The following TANC2 variants were observed in gnomAD, a reference collection of about 807,000 sequenced individuals.
The protein encoded by TANC2 is protein TANC2.
In TANC2, 26 loss-of-function variants were observed where a neutral mutation model predicts 210.5. That is an observed-to-expected ratio of 0.12 (90% confidence interval 0.09 to 0.17). The LOEUF is 0.17. Among genes scored for constraint, TANC2 ranks in the 10% least tolerant of loss-of-function variants. The pLI is 1.00. For synonymous variants in TANC2, 931 were observed against 967.1 expected (o/e 0.96, Z 0.69); for missense variants, 2,129 against 2,608.9 (o/e 0.82, Z 4.01).
intron 1 of TANC2, among the ~76,000 whole-genome samples, chr17:62,986,304 G>A (rs2032562673): frequency 6.6e-6 from 1 of 152,146 alleles, no homozygotes; most frequent in African/African-American, 2.4e-5. Context: ...CATTACTCTG[G>A]CTGGGAGCAC....
intron 7 of TANC2, among the ~76,000 whole-genome samples, chr17:63,229,532 G>A (rs1444218358): frequency 6.8e-6 from 1 of 147,180 alleles, no homozygotes; most frequent in Non-Finnish European, 1.5e-5. Flanking sequence ...ATAGAATTCA[G>A]CTATAAATCC....
At chr17:63,346,519 A>G (rs1438867504) in intron 12 of TANC2, among the ~76,000 whole-genome samples, 1 of 152,220 alleles carries the variant, frequency 6.6e-6, no homozygotes, top group Non-Finnish European at 1.5e-5. Context: ...GTAATCAGGG[A>G]GATGCAAATT....
rs2037535536 is a variant in TANC2, at chr17:63,099,365, CTT to C, written c.322+10_322+11del. 6.7e-7 allele frequency: 1 copy of C among 1,492,112 alleles called. No individual in the cohort carries two copies. The highest frequency in any genetic ancestry group is 1.4e-5 in the African/African-American group (1 of 71,618). 92.4% of individuals were successfully genotyped at this position (1,492,112 alleles called of 1,614,324 possible). A position where few individuals can be genotyped will look rare whatever the true frequency, so the allele number is the denominator to read the frequency against. ...CTGTGAAGAAGTTAACTGGTAAGGA[CTT>C]TACCTAAATTTAGTATGTTTAACAG... is the stretch of plus-strand genomic sequence containing the variant. On this transcript the variant is annotated intron_variant, in intron 4 of 27. Transcript: ENST00000689528.
chr17:63,279,408 A>G (rs2043993095), intron 9 of TANC2, among the ~76,000 whole-genome samples: 1 of 150,230 alleles, frequency 6.7e-6, no homozygotes, highest in Non-Finnish European at 1.5e-5. Context: ...AGAGGAGTTA[A>G]GTAATTTGCA....
At chr17:63,077,544 G>A (rs781080573) in intron 3 of TANC2, among the ~76,000 whole-genome samples, 2 of 152,152 alleles carry the variant, frequency 1.3e-5, no homozygotes, top group Non-Finnish European at 2.9e-5. Context: ...AATGAGATTG[G>A]TAGAAACCTG....
chr17:63,007,003 A>G (rs577614883), intron 1 of TANC2, among the ~76,000 whole-genome samples: 18 of 152,090 alleles, frequency 1.2e-4, no homozygotes, highest in Admixed American at 5.2e-4. Flanking sequence ...AGGTGGGAGG[A>G]TTGCTTGAGC....
At chr17:63,315,977 A>G (rs1042555517) in intron 10 of TANC2, among the ~76,000 whole-genome samples, 1 of 152,208 alleles carries the variant, frequency 6.6e-6, no homozygotes, top group Non-Finnish European at 1.5e-5. Flanking sequence ...GTAGATTGCC[A>G]TAGTACTGTG....
chr17:63,355,387 C>A, exon 14 of TANC2: 1 of 1,567,962 alleles, frequency 6.4e-7, no homozygotes, highest in African/African-American at 1.4e-5. Flanking sequence ...CTCTGTGATC[C>A]GAGGTAAGAC....
intron 15 of TANC2, among the ~76,000 whole-genome samples, chr17:63,380,762 C>A (rs1295638200): frequency 6.6e-6 from 1 of 152,210 alleles, no homozygotes; most frequent in African/African-American, 2.4e-5. Context: ...AGGATAACTT[C>A]AAGAGCCTAG....
intron 1 of TANC2, among the ~76,000 whole-genome samples, chr17:62,975,870 G>A (rs2143322863): frequency 6.6e-6 from 1 of 152,112 alleles, no homozygotes; most frequent in South Asian, 2.1e-4. Flanking sequence ...ATTTTTATTA[G>A]CCTGTGGAAA....
At chr17:63,299,272 C>G (rs569628756) in intron 9 of TANC2, among the ~76,000 whole-genome samples, 6 of 152,168 alleles carry the variant, frequency 3.9e-5, no homozygotes, top group African/African-American at 1.4e-4. Flanking sequence ...ATTTCTATTC[C>G]TTTAGGTATA....
intron 6 of TANC2, chr17:63,197,928 CA>C (rs2041399652): frequency 6.6e-6 from 1 of 152,170 alleles, no homozygotes; most frequent in African/African-American, 2.4e-5. Flanking sequence ...AAGCCATGAA[CA>C]ATTTTCTGTT....
At chr17:63,298,877 C>T (rs773629989) in intron 9 of TANC2, among the ~76,000 whole-genome samples, 3 of 152,028 alleles carry the variant, frequency 2.0e-5, no homozygotes, top group Non-Finnish European at 2.9e-5. Context: ...AGGTTTTAAG[C>T]CCCACATGCA....
chr17:63,168,367 T>C (rs964939045), intron 5 of TANC2, among the ~76,000 whole-genome samples: 3 of 152,316 alleles, frequency 2.0e-5, no homozygotes, highest in Admixed American at 2.0e-4. Flanking sequence ...AGTTGCATGT[T>C]AATAATGACT....
At chr17:63,411,251 A>T (rs1251037107) in intron 21 of TANC2, among the ~76,000 whole-genome samples, 2 of 152,178 alleles carry the variant, frequency 1.3e-5, no homozygotes, top group African/African-American at 4.8e-5. Context: ...GAATAATAAA[A>T]CAGGTATAGA....
At chr17:62,984,454 A>G (rs181809456) in intron 1 of TANC2, among the ~76,000 whole-genome samples, 184 of 151,608 alleles carry the variant, frequency 1.2e-3, no homozygotes, top group African/African-American at 3.9e-3. Context: ...TTGTCTCTCA[A>G]CTTCATTTAT....
intron 8 of TANC2, among the ~76,000 whole-genome samples, chr17:63,256,054 C>T (rs139052591): frequency 2.0e-3 from 304 of 151,776 alleles, no homozygotes; most frequent in Middle Eastern, 3.4e-3. Flanking sequence ...TACAAATGCC[C>T]ACCACCACGC....
At chr17:63,313,795 G>A (rs2045212252) in intron 9 of TANC2, among the ~76,000 whole-genome samples, 1 of 152,020 alleles carries the variant, frequency 6.6e-6, no homozygotes, top group Non-Finnish European at 1.5e-5. Context: ...TATTCTCATT[G>A]GTGTTTTTAA....
chr17:63,067,544 A>G (rs1263710272), intron 2 of TANC2, among the ~76,000 whole-genome samples: 3 of 151,968 alleles, frequency 2.0e-5, no homozygotes, highest in Non-Finnish European at 2.9e-5. Flanking sequence ...AAAATACTCC[A>G]ACAAGCAATC....
Sources: gnomAD v4.1 joint callset for allele counts (sites outside exome capture counted in the v4.1 genomes callset) on GRCh38, gnomAD v4.1.1 for gene constraint, MANE v1.5 for transcripts, NCBI Gene and HGNC (gene_info 2026-07-23, HGNC 2026-07-21) for gene names.